Variants in MDGA2 observed in about 807,000 individuals in gnomAD.
The protein encoded by MDGA2 is MAM domain containing glycosylphosphatidylinositol anchor 2.
MDGA2 carries 40 observed loss-of-function variants against 117.8 expected under a neutral mutation model. That is an observed-to-expected ratio of 0.34 (90% CI 0.26 to 0.44). MDGA2 has a LOEUF of 0.44. Among genes scored for constraint, MDGA2 ranks in the 20% least tolerant of loss-of-function variants. The probability of loss-of-function intolerance (pLI) is 1.00; values close to 1 mark genes in which losing one functional copy is unlikely to be tolerated. For synonymous variants in MDGA2, 452 were observed against 439.0 expected (o/e 1.03, Z -0.37); for missense variants, 1,123 against 1,250.6 (o/e 0.90, Z 1.54).
At chr14:47,248,019 GC>G (rs963967325) in intron 2 of MDGA2, among the ~76,000 whole-genome samples, 1 of 151,250 alleles carries the variant, frequency 6.6e-6, no homozygotes, top group Non-Finnish European at 1.5e-5. Flanking sequence ...GTATATATGT[GC>G]CACATTTTCT....
chr14:47,583,412 A>G (rs1410506522), intron 1 of MDGA2, among the ~76,000 whole-genome samples: 1 of 151,864 alleles, frequency 6.6e-6, no homozygotes, highest in African/African-American at 2.4e-5. Context: ...ATTCTCATTA[A>G]AAGCATTTAA....
In MDGA2 at chr14:47,626,998, T is replaced by G. The variant is rs151076555; in HGVS notation, c.280+47519A>C. On this transcript the variant is annotated intron_variant, in intron 1 of 16. Coordinates refer to ENST00000399232, the MANE Select transcript of MDGA2 (RefSeq NM_001113498.3). ...TTGGTGGGGACTTGGAGAATCTTTGTGTCTAGCTAAGGGATTGTAAACACA... is the reference window on the plus strand; with the variant it reads ...TTGGTGGGGACTTGGAGAATCTTTGGGTCTAGCTAAGGGATTGTAAACACA... 2.2e-3 allele frequency among the ~76,000 whole-genome samples: 331 copies of G among 152,358 alleles called. 5 individuals carry two copies. Among genetic ancestry groups the G allele is most frequent in the African/African-American group, 7.5e-3 (314 of 41,594 alleles).
Position 47,014,791 on chromosome 14 carries a change from T to A in MDGA2, c.1819+20220A>T, listed in dbSNP as rs550110383. ...ACTAAAACCTTCTCCATATCAGAAA[T>A]AAAGCATTTTGCTTTCTTATCATCT... On this transcript the variant is annotated intron_variant, in intron 8 of 16. Coordinates refer to ENST00000399232, the MANE Select transcript of MDGA2 (RefSeq NM_001113498.3). 3.7e-4 allele frequency among the ~76,000 whole-genome samples: 57 copies of A among 152,308 alleles called. 1 individual carries two copies. The highest frequency in any genetic ancestry group is 1.3e-3 in the African/African-American group (54 of 41,580).
intron 4 of MDGA2, among the ~76,000 whole-genome samples, chr14:47,140,330 C>A (rs1882663578): frequency 6.6e-6 from 1 of 151,978 alleles, no homozygotes; most frequent in African/African-American, 2.4e-5. Flanking sequence ...TTGGAAAACA[C>A]AATCCAAAAT....
At chr14:47,294,822 T>C (rs528883321) in intron 2 of MDGA2, among the ~76,000 whole-genome samples, 33 of 152,304 alleles carry the variant, frequency 2.2e-4, no homozygotes, top group Non-Finnish European at 4.6e-4. Flanking sequence ...AAGAACTGGC[T>C]ACTAATGTTT....
chr14:47,179,387 G>A (rs1594700520), intron 3 of MDGA2, among the ~76,000 whole-genome samples: 1 of 151,618 alleles, frequency 6.6e-6, no homozygotes, highest in East Asian at 1.9e-4. Flanking sequence ...TAATATTTAA[G>A]GTCAAACATC....
intron 1 of MDGA2, among the ~76,000 whole-genome samples, chr14:47,308,634 C>T (rs1335373408): frequency 6.7e-6 from 1 of 150,062 alleles, no homozygotes; most frequent in Non-Finnish European, 1.5e-5. Flanking sequence ...AAATATGCTA[C>T]AGCATATAAA....
intron 2 of MDGA2, among the ~76,000 whole-genome samples, chr14:47,263,413 G>A (rs367827355): frequency 3.3e-4 from 50 of 152,158 alleles, no homozygotes; most frequent in African/African-American, 1.2e-3. Flanking sequence ...TATTTTTCAA[G>A]CTTCTCTTAG....
chr14:47,442,469 C>T (rs1013271612), intron 1 of MDGA2, among the ~76,000 whole-genome samples: 2 of 152,054 alleles, frequency 1.3e-5, no homozygotes, highest in African/African-American at 2.4e-5. Context: ...TCAGAGGAGG[C>T]TGGTGCACTG....
chr14:47,607,420 G>A (rs1896761861), intron 1 of MDGA2, among the ~76,000 whole-genome samples: 1 of 152,014 alleles, frequency 6.6e-6, no homozygotes, highest in Admixed American at 6.6e-5. Context: ...AAAATATAAG[G>A]TTATTTTAGT....
At chr14:47,436,143 C>T (rs1482827644) in intron 1 of MDGA2, among the ~76,000 whole-genome samples, 1 of 152,014 alleles carries the variant, frequency 6.6e-6, no homozygotes, top group African/African-American at 2.4e-5. Flanking sequence ...GAAAACTCAT[C>T]CATAAATACA....
intron 9 of MDGA2, among the ~76,000 whole-genome samples, chr14:46,950,627 C>A (rs1174306659): frequency 6.6e-6 from 1 of 151,902 alleles, no homozygotes; most frequent in Non-Finnish European, 1.5e-5. Context: ...TTTGATTTGA[C>A]ATTGAAATTT....
chr14:46,958,120 G>A (rs941364180), intron 8 of MDGA2, among the ~76,000 whole-genome samples: 4 of 152,144 alleles, frequency 2.6e-5, no homozygotes, highest in African/African-American at 7.2e-5. Context: ...TAATTCTACA[G>A]TGCTAAGTAA....
chr14:47,347,649 C>T (rs1002428351), intron 1 of MDGA2, among the ~76,000 whole-genome samples: 1 of 152,060 alleles, frequency 6.6e-6, no homozygotes, highest in African/African-American at 2.4e-5. Flanking sequence ...AGCACTGCAA[C>T]ATGAAACACA....
intron 2 of MDGA2, among the ~76,000 whole-genome samples, chr14:47,256,520 T>C (rs1014955419): frequency 6.6e-6 from 1 of 152,138 alleles, no homozygotes; most frequent in Non-Finnish European, 1.5e-5. Context: ...ATCTATTTGC[T>C]TCTTTCTTTC....
intron 2 of MDGA2, among the ~76,000 whole-genome samples, chr14:47,289,222 T>TAGATTGCTA (rs2139766920): frequency 6.6e-6 from 1 of 151,738 alleles, no homozygotes; most frequent in African/African-American, 2.4e-5. Flanking sequence ...GGACCACAAG[T>TAGATTGCTA]AGATTGCTAC....
intron 1 of MDGA2, among the ~76,000 whole-genome samples, chr14:47,583,566 A>G (rs961333774): frequency 2.0e-5 from 3 of 151,858 alleles, no homozygotes; most frequent in Admixed American, 1.3e-4. Flanking sequence ...ACACCCAGCA[A>G]TAAAGCTAAT....
chr14:46,923,412 G>A (rs1307607835), intron 9 of MDGA2, among the ~76,000 whole-genome samples: 1 of 151,870 alleles, frequency 6.6e-6, no homozygotes, highest in Non-Finnish European at 1.5e-5. Flanking sequence ...CATATGAAAG[G>A]TTATACAAAT....
intron 1 of MDGA2, among the ~76,000 whole-genome samples, chr14:47,640,196 C>G (rs548389183): frequency 6.6e-6 from 1 of 152,252 alleles, no homozygotes; most frequent in African/African-American, 2.4e-5. Flanking sequence ...GCCAAATGGT[C>G]CCCTTCTTGG....
Sources: allele counts gnomAD v4.1 joint callset (sites outside exome capture counted in the v4.1 genomes callset), GRCh38; gene constraint gnomAD v4.1.1; transcripts MANE v1.5; gene names NCBI Gene and HGNC (gene_info 2026-07-23, HGNC 2026-07-21).